Variants in MYOM2 observed in about 807,000 individuals in gnomAD.
MYOM2 encodes the protein myomesin 2.
A neutral mutation model predicts 187.6 loss-of-function variants in MYOM2; 254 were observed. The ratio of observed to expected loss-of-function variants is 1.35; its 90% CI spans 1.22 to 1.50. The LOEUF (loss-of-function observed/expected upper bound fraction) is 1.50, where lower values mean the gene tolerates loss of function less well. Ranked by LOEUF, MYOM2 falls within the 40% of genes most tolerant of loss-of-function variation. MYOM2 has a pLI of 0.00. For missense variants in MYOM2, 2,796 were observed against 1,924.0 expected (o/e 1.45, Z -8.48); for synonymous variants, 981 against 753.8 (o/e 1.30, Z -4.94).
intron 19 of MYOM2, among the ~76,000 whole-genome samples, chr8:2,100,280 A>G (rs995419341): frequency 1.3e-5 from 2 of 151,912 alleles, no homozygotes; most frequent in Non-Finnish European, 2.9e-5. Flanking sequence ...CAGAAGAAAA[A>G]AGTCATTCTA....
At position 2,078,367 on chromosome 8, in the gene MYOM2, T is replaced by C. The variant is rs1292406041; in HGVS notation, c.1263-367T>C. Among the ~76,000 whole-genome samples the C allele has an allele frequency of 2.0e-5, 3 of 152,192 alleles. No individual in the cohort carries two copies. The East Asian group carries it at 5.8e-4, about 29-fold the overall frequency. The stretch of plus-strand genomic sequence containing the variant: ...GACGGGCCAAGCCGCAGCTTAGGGG[T>C]GCCGTGACTATGTCACGTAAGTCGG... On this transcript the variant is annotated intron_variant, in intron 11 of 36. Transcript: ENST00000262113.
chr8:2,096,516 T>G, intron 18 of MYOM2, 82 bp downstream of exon 18: 1 of 1,339,146 alleles, frequency 7.5e-7, no homozygotes, highest in Non-Finnish European at 1.0e-6. Flanking sequence ...TTTGATGACA[T>G]TAGATAGTTT....
At chr8:2,057,187 A>T (rs1462082774) in intron 3 of MYOM2, among the ~76,000 whole-genome samples, 161 bp from the exon 4 acceptor site, 1 of 152,228 alleles carries the variant, frequency 6.6e-6, no homozygotes, top group Non-Finnish European at 1.5e-5. Flanking sequence ...ATACTCTTGA[A>T]GATAGATTCA....
rs1796048903 is a variant in MYOM2, at chr8:2,086,343, G to GATCTTTGCGTGGCCCCACTGTCA, written c.1644+953_1644+954insATCTTTGCGTGGCCCCACTGTCA. Among the ~76,000 whole-genome samples, 3 of 47,350 alleles carry GATCTTTGCGTGGCCCCACTGTCA rather than the reference G, an allele frequency of 6.3e-5. 1 individual carries two copies. The highest frequency in any genetic ancestry group is 8.7e-5 in the Non-Finnish European group (2 of 23,082). 31.1% of individuals were successfully genotyped at this position (47,350 alleles called of 152,430 possible). On this transcript the variant is annotated intron_variant, in intron 14 of 36. Transcript: ENST00000262113. ...GATCTCTGCGTGGCCCCCCACTGTT[G>GATCTTTGCGTGGCCCCACTGTCA]TGATCTCTGCGTGGCCTCCCACTGT...
chr8:2,135,167 T>C (rs1430600632), intron 32 of MYOM2, among the ~76,000 whole-genome samples: 2 of 152,186 alleles, frequency 1.3e-5, no homozygotes, highest in Non-Finnish European at 2.9e-5. Flanking sequence ...AGTCCTAGTA[T>C]TTACATCAAG....
At chr8:2,058,370 G>A (rs1415196789) in intron 5 of MYOM2, among the ~76,000 whole-genome samples, 7 of 152,106 alleles carry the variant, frequency 4.6e-5, no homozygotes, top group Non-Finnish European at 1.0e-4. Flanking sequence ...CTGTTGTCCT[G>A]TTTGCAAGAG....
In MYOM2 at chr8:2,145,040, T is replaced by C. The variant is rs1487113044; in HGVS notation, c.*59T>C. 2.5e-6 allele frequency: 4 copies of C among 1,574,364 alleles called. No homozygotes were observed. The highest frequency in any genetic ancestry group is 3.5e-6 in the Non-Finnish European group (4 of 1,157,344). On this transcript the variant is annotated 3_prime_UTR_variant, in exon 37 of 37. Transcript: ENST00000262113. ...GCTTGGCAGAGACAGGAATGCTGTG[T>C]GCTTGTTCCAAATGAGCAGCTGGCA...
intron 31 of MYOM2, among the ~76,000 whole-genome samples, chr8:2,126,250 C>T (rs62478458): frequency 0.061 from 9,344 of 152,194 alleles, 376 homozygotes; most frequent in Middle Eastern, 0.11. Flanking sequence ...CCAGAACTTC[C>T]CATATCAATA....
intron 9 of MYOM2, 24 bp downstream of exon 9, chr8:2,072,533 C>T (rs763031017): frequency 5.0e-6 from 8 of 1,602,760 alleles, no homozygotes; most frequent in South Asian, 3.3e-5. Flanking sequence ...GGCCCAGACC[C>T]GGGCACACAC....
chr8:2,110,314 C>G (rs1243062628), intron 25 of MYOM2, among the ~76,000 whole-genome samples: 2 of 152,190 alleles, frequency 1.3e-5, no homozygotes, highest in East Asian at 3.8e-4. Flanking sequence ...CAGCAAGGCT[C>G]TGTCTCAAAA....
intron 16 of MYOM2, 46 bp downstream of exon 16, chr8:2,092,566 C>G (rs1453695545): frequency 6.3e-7 from 1 of 1,595,970 alleles, no homozygotes; most frequent in African/African-American, 1.3e-5. Context: ...GCAGGAGTAG[C>G]AAGACCGTTG....
At chr8:2,130,600 C>G (rs2116885573) in intron 32 of MYOM2, among the ~76,000 whole-genome samples, 1 of 152,282 alleles carries the variant, frequency 6.6e-6, no homozygotes, top group South Asian at 2.1e-4. Context: ...TTTCCTATTT[C>G]AATTTTGACA....
intron 28 of MYOM2, among the ~76,000 whole-genome samples, chr8:2,122,807 G>A (rs1222961586): frequency 6.6e-6 from 1 of 152,152 alleles, no homozygotes; most frequent in Non-Finnish European, 1.5e-5. Flanking sequence ...TTTGTGTTAA[G>A]ATTTCATTTT....
At chr8:2,080,260 G>A (rs978664751) in intron 13 of MYOM2, among the ~76,000 whole-genome samples, 1 of 152,224 alleles carries the variant, frequency 6.6e-6, no homozygotes, top group Non-Finnish European at 1.5e-5. Flanking sequence ...GGAGCCACTG[G>A]CTAGAGAGAG....
chr8:2,133,747 C>T (rs191013519), intron 32 of MYOM2, among the ~76,000 whole-genome samples: 37 of 151,282 alleles, frequency 2.4e-4, no homozygotes, highest in Admixed American at 2.3e-3. Context: ...AGGTGTGAGC[C>T]ACAGTGTCTG....
At chr8:2,071,042 A>G (rs1819196214) in intron 8 of MYOM2, among the ~76,000 whole-genome samples, 1 of 152,118 alleles carries the variant, frequency 6.6e-6, no homozygotes, top group Non-Finnish European at 1.5e-5. Context: ...ATCTTGGCTC[A>G]CTGCAGCCTT....
intron 32 of MYOM2, among the ~76,000 whole-genome samples, chr8:2,131,810 A>G (rs975780353): frequency 1.3e-5 from 2 of 151,650 alleles, no homozygotes; most frequent in African/African-American, 4.9e-5. Context: ...CGCCTGGCTA[A>G]TTTTTTGTAT....
At chr8:2,113,652 C>G (rs1374246916) in intron 25 of MYOM2, among the ~76,000 whole-genome samples, 1 of 152,274 alleles carries the variant, frequency 6.6e-6, no homozygotes, top group East Asian at 1.9e-4. Context: ...CTCAGTTGAT[C>G]AAGAAGGCTT....
At chr8:2,055,131 TAACCAAGTACCTGGATACTGGGGG>T (rs1563415004) in intron 3 of MYOM2, among the ~76,000 whole-genome samples, 17 of 22,236 alleles carry the variant, frequency 7.6e-4, no homozygotes, top group African/African-American at 1.7e-3. Flanking sequence ...GATACTGGGG[TAACCAAGTACCTGGATACTGGGGG>T]AACCAAGTAC....
Sources: gnomAD v4.1 joint callset for allele counts (sites outside exome capture counted in the v4.1 genomes callset) on GRCh38, gnomAD v4.1.1 for gene constraint, MANE v1.5 for transcripts, NCBI Gene and HGNC (gene_info 2026-07-23, HGNC 2026-07-21) for gene names.